CEP112: variants seen among roughly 807,000 people sequenced by gnomAD.
CEP112 encodes the protein centrosomal protein 112.
CEP112 carries 127 observed loss-of-function variants against 153.0 expected under a neutral mutation model. The ratio of observed to expected loss-of-function variants is 0.83; its 90% CI spans 0.72 to 0.96. The LOEUF (loss-of-function observed/expected upper bound fraction) is 0.96. Ranked by LOEUF, CEP112 falls within the 40% of genes least tolerant of loss-of-function variation. The probability of loss-of-function intolerance (pLI) is 0.00; values close to 1 mark genes in which losing one functional copy is unlikely to be tolerated. For synonymous variants in CEP112, 358 were observed against 374.4 expected, an observed-to-expected ratio of 0.96 and a Z score of 0.51; for missense variants, 1,089 against 1,101.2, an observed-to-expected ratio of 0.99 and a Z score of 0.16.
At chr17:66,130,911 T>G (rs927314805) in intron 5 of CEP112, among the ~76,000 whole-genome samples, 5 of 151,948 alleles carry the variant, frequency 3.3e-5, no homozygotes, top group African/African-American at 1.2e-4. Flanking sequence ...TATAATGAAC[T>G]AGAGACAACC....
intron 17 of CEP112, among the ~76,000 whole-genome samples, chr17:65,974,985 G>A (rs547265014): frequency 6.6e-6 from 1 of 151,976 alleles, no homozygotes; most frequent in Admixed American, 6.6e-5. Context: ...GGACAGGAGA[G>A]GGAAATTCTG....
chr17:66,189,153 A>T (rs1225529023), intron 1 of CEP112, among the ~76,000 whole-genome samples: 1 of 152,186 alleles, frequency 6.6e-6, no homozygotes, highest in African/African-American at 2.4e-5. Context: ...TAGCCCTCAG[A>T]TTTATTATAT....
intron 23 of CEP112, among the ~76,000 whole-genome samples, chr17:65,691,598 T>C (rs575018147): frequency 3.4e-4 from 52 of 152,320 alleles, no homozygotes; most frequent in African/African-American, 1.2e-3. Flanking sequence ...GAGAATGAGC[T>C]TGGAAATCTC....
chr17:65,763,494 TG>T (rs1310202971), intron 21 of CEP112, among the ~76,000 whole-genome samples: 1 of 152,026 alleles, frequency 6.6e-6, no homozygotes, highest in African/African-American at 2.4e-5. Flanking sequence ...GATATTTTAT[TG>T]TTTTTTTTCA....
intron 21 of CEP112, among the ~76,000 whole-genome samples, chr17:65,829,422 G>A (rs1242664403): frequency 6.6e-6 from 1 of 152,040 alleles, no homozygotes; most frequent in Non-Finnish European, 1.5e-5. Flanking sequence ...GACCCATAAT[G>A]TATCTATGCA....
At chr17:66,175,797 T>C (rs1311669695) in intron 3 of CEP112, among the ~76,000 whole-genome samples, 2 of 152,218 alleles carry the variant, frequency 1.3e-5, no homozygotes, top group Non-Finnish European at 2.9e-5. Flanking sequence ...TCTATGAAAT[T>C]AAGTGTGAAT....
At chr17:65,983,355 T>C (rs1452373262) in intron 17 of CEP112, among the ~76,000 whole-genome samples, 1 of 152,224 alleles carries the variant, frequency 6.6e-6, no homozygotes, top group Non-Finnish European at 1.5e-5. Flanking sequence ...CATGTAATTA[T>C]ATTCCTTTAA....
chr17:66,010,740 GT>G (rs1282133968), intron 16 of CEP112, among the ~76,000 whole-genome samples: 2 of 152,152 alleles, frequency 1.3e-5, no homozygotes, highest in Non-Finnish European at 1.5e-5. Flanking sequence ...CTTTAGTTCT[GT>G]TTATGTGATG....
chr17:65,786,243 A>G (rs542717966), intron 21 of CEP112, among the ~76,000 whole-genome samples: 6 of 152,090 alleles, frequency 3.9e-5, no homozygotes, highest in Admixed American at 2.6e-4. Context: ...TTGGAATACA[A>G]TTGATTTTTC....
chr17:65,803,988 G>A (rs10468566), intron 21 of CEP112, among the ~76,000 whole-genome samples: 51,635 of 152,022 alleles, frequency 0.34, 10,092 homozygotes, highest in Middle Eastern at 0.47. Flanking sequence ...TTAACCTCAA[G>A]CTAATAGCTG....
intron 24 of CEP112, 116 bp from the exon 25 acceptor site, chr17:65,641,181 G>A (rs753027120): frequency 1.8e-5 from 11 of 608,876 alleles, no homozygotes; most frequent in Non-Finnish European, 3.2e-5. Context: ...CACGCGGTCA[G>A]AAACCAGACA....
chr17:65,675,877 G>T (rs928140978), intron 24 of CEP112, among the ~76,000 whole-genome samples: 2 of 151,990 alleles, frequency 1.3e-5, no homozygotes, highest in African/African-American at 4.8e-5. Context: ...AAAAGATGGA[G>T]AAAAGGCATT....
At chr17:65,642,009 C>T (rs146057438) in intron 24 of CEP112, among the ~76,000 whole-genome samples, 90 of 152,302 alleles carry the variant, frequency 5.9e-4, no homozygotes, top group Non-Finnish European at 7.2e-4. Context: ...GTTGGTGGCT[C>T]ATCCCATTCA....
intron 4 of CEP112, among the ~76,000 whole-genome samples, chr17:66,146,143 G>A (rs903459549): frequency 2.0e-5 from 3 of 151,932 alleles, no homozygotes; most frequent in Admixed American, 6.6e-5. Context: ...GACTTGGGAA[G>A]CATTCCCTCC....
At chr17:66,177,598 A>C (rs2072540615) in intron 2 of CEP112, among the ~76,000 whole-genome samples, 1 of 152,126 alleles carries the variant, frequency 6.6e-6, no homozygotes, top group Non-Finnish European at 1.5e-5. Flanking sequence ...TTATACTCTT[A>C]GTTATTTTTA....
chr17:66,131,404 C>T (rs1244237748), intron 5 of CEP112, among the ~76,000 whole-genome samples: 5 of 151,974 alleles, frequency 3.3e-5, no homozygotes, highest in Admixed American at 1.3e-4. Context: ...AATTATCATT[C>T]GATAAAATGC....
intron 6 of CEP112, among the ~76,000 whole-genome samples, chr17:66,124,990 G>T (rs1349920451): frequency 6.6e-6 from 1 of 151,962 alleles, no homozygotes; most frequent in African/African-American, 2.4e-5. Flanking sequence ...AGCAAGCTTT[G>T]GGGAAAATGC....
chr17:66,096,760 T>C, intron 6 of CEP112, 128 bp from the exon 7 acceptor site: 2 of 656,520 alleles, frequency 3.0e-6, no homozygotes, highest in Non-Finnish European at 5.3e-6. Context: ...AATTCATTTT[T>C]AGAATGGGTA....
At chr17:65,942,967 A>G (rs2061548154) in intron 18 of CEP112, among the ~76,000 whole-genome samples, 1 of 152,216 alleles carries the variant, frequency 6.6e-6, no homozygotes, top group South Asian at 2.1e-4. Context: ...TATTTAATAC[A>G]TATTTAAGGT....
Sources: gnomAD v4.1 joint callset for allele counts (sites outside exome capture counted in the v4.1 genomes callset) on GRCh38, gnomAD v4.1.1 for gene constraint, MANE v1.5 for transcripts, NCBI Gene and HGNC (gene_info 2026-07-23, HGNC 2026-07-21) for gene names.